CACNG2: variants seen among roughly 807,000 people sequenced by gnomAD.
CACNG2 encodes the protein calcium voltage-gated channel auxiliary subunit gamma 2, also known as voltage-dependent calcium channel gamma-2 subunit.
CACNG2 carries 3 observed loss-of-function variants against 25.9 expected under a neutral mutation model. The ratio of observed to expected loss-of-function variants is 0.12; its 90% confidence interval spans 0.05 to 0.30. CACNG2 has a LOEUF of 0.30. CACNG2 is among the 10% of genes least tolerant of loss of function. The pLI, the probability that CACNG2 is intolerant of heterozygous loss-of-function variation, is 1.00. For missense variants in CACNG2, 341 were observed against 432.5 expected, an observed-to-expected ratio of 0.79 and a Z score of 1.88; for synonymous variants, 167 against 173.3, an observed-to-expected ratio of 0.96 and a Z score of 0.29.
chr22:36,624,497 C>T (rs974148587), intron 1 of CACNG2, among the ~76,000 whole-genome samples: 10 of 152,214 alleles, frequency 6.6e-5, no homozygotes, highest in African/African-American at 1.9e-4. Flanking sequence ...GGTCTGTCTG[C>T]CTCCAAAACT....
In CACNG2 at chr22:36,579,404, CAAAAAAA is replaced by C. The variant is rs34224180; in HGVS notation, c.295+8054_295+8060del. Among the ~76,000 whole-genome samples, 231 of 47,170 alleles carry C rather than the reference CAAAAAAA, an allele frequency of 4.9e-3. 1 individual carries two copies. Among genetic ancestry groups the C allele is most frequent in the African/African-American group, 0.019 (201 of 10,448 alleles). 30.9% of individuals were successfully genotyped at this position (47,170 alleles called of 152,430 possible). On this transcript the variant is annotated intron_variant, in intron 2 of 3. Transcript: ENST00000300105. ...GGGCAACAAAAGTGAAACTCTGTCT[CAAAAAAA>C]AAAAAAAAAAAAAAAAAAAGCTGCC...
chr22:36,626,667 A>G (rs1936187970), intron 1 of CACNG2, among the ~76,000 whole-genome samples: 1 of 152,118 alleles, frequency 6.6e-6, no homozygotes, highest in South Asian at 2.1e-4. Flanking sequence ...GTCGAGTCAT[A>G]TTTTGGTTTC....
At chr22:36,626,185 G>A (rs760795342) in intron 1 of CACNG2, among the ~76,000 whole-genome samples, 2 of 152,204 alleles carry the variant, frequency 1.3e-5, no homozygotes, top group Non-Finnish European at 2.9e-5. Context: ...CTCCCAAAGT[G>A]CTGGGATTAC....
chr22:36,582,406 C>CT lies in CACNG2; in HGVS notation c.295+5058dup, dbSNP rs750246907. On this transcript the variant is annotated intron_variant, in intron 2 of 3. Coordinates refer to ENST00000300105, the MANE Select transcript of CACNG2 (RefSeq NM_006078.5). ...TGCACTTGCTGTTTGCTCTTTCTTT[C>CT]TTTCTTTTTTTTTTTTGAGACAGAG... Among the ~76,000 whole-genome samples the CT allele has an allele frequency of 2.8e-3, 271 of 96,736 alleles. 8 individuals are homozygous for CT. The highest frequency in any genetic ancestry group is 9.6e-3 in the South Asian group (24 of 2,494). The allele number at this position is 96,736 out of a possible 152,430, so 63.5% of individuals were successfully genotyped here. A position where few individuals can be genotyped will look rare whatever the true frequency, so the allele number is the denominator to read the frequency against.
intron 1 of CACNG2, among the ~76,000 whole-genome samples, chr22:36,692,911 C>T (rs1249389801): frequency 2.0e-5 from 3 of 152,254 alleles, no homozygotes; most frequent in Middle Eastern, 3.4e-3. Context: ...TTTGGAAGGC[C>T]GAGGTGGGTG....
chr22:36,667,615 A>G (rs1017113104), intron 1 of CACNG2, among the ~76,000 whole-genome samples: 9 of 152,230 alleles, frequency 5.9e-5, no homozygotes, highest in Non-Finnish European at 1.3e-4. Context: ...GATGGGAGAT[A>G]CGGAACCCAC....
At chr22:36,590,324 C>T (rs1174230542) in intron 1 of CACNG2, among the ~76,000 whole-genome samples, 7 of 152,168 alleles carry the variant, frequency 4.6e-5, no homozygotes, top group African/African-American at 1.7e-4. Flanking sequence ...CCTGGGTATC[C>T]AGCTGCCTAT....
chr22:36,605,226 C>A (rs1011728916), intron 1 of CACNG2, among the ~76,000 whole-genome samples: 1 of 152,130 alleles, frequency 6.6e-6, no homozygotes, highest in African/African-American at 2.4e-5. Flanking sequence ...AGGTGCCCAC[C>A]ACCATGCCCG....
Position 36,587,544 on chromosome 22 carries a change from A to C in CACNG2, c.216T>G (p.Asn72Lys). The change falls in exon 2 of 4, where the codon AAT becomes AAG. Residue 72 changes from asparagine (N) to lysine (K), a missense_variant. Physicochemically the swap from Asn to Lys is moderately conservative, Grantham distance 94. Transcript: ENST00000300105. ...CAATTTGCTTGCACAGACCTTTGAA[A>C]TTCCCTGCAAAACAAGGGGAGAAGG... is the stretch of plus-strand genomic sequence containing the variant. ...GLWRTCCLEG[N>K]FKGLCKQIDH... 6.2e-7 allele frequency: 1 copy of C among 1,611,608 alleles called. No individual in the cohort carries two copies. Among genetic ancestry groups the C allele is most frequent in the Non-Finnish European group, 8.5e-7 (1 of 1,177,646 alleles).
chr22:36,655,876 C>T (rs184909174), intron 1 of CACNG2, among the ~76,000 whole-genome samples: 165 of 147,820 alleles, frequency 1.1e-3, no homozygotes, highest in African/African-American at 3.8e-3. Context: ...GGTGTGATCT[C>T]GGCTCACCGC....
intron 2 of CACNG2, among the ~76,000 whole-genome samples, chr22:36,577,234 C>T (rs999994188): frequency 2.0e-5 from 3 of 152,198 alleles, no homozygotes; most frequent in Non-Finnish European, 2.9e-5. Context: ...ATCATTCCAG[C>T]GGAGCAAATT....
intron 1 of CACNG2, among the ~76,000 whole-genome samples, chr22:36,678,726 C>G (rs1365827848): frequency 1.3e-5 from 2 of 151,906 alleles, no homozygotes; most frequent in African/African-American, 4.8e-5. Flanking sequence ...TGGCCAGGAG[C>G]CACCATGGTT....
Position 36,580,025 on chromosome 22 carries a change from C to T in CACNG2, c.295+7440G>A, listed in dbSNP as rs141891795. On this transcript the variant is annotated intron_variant, in intron 2 of 3. Coordinates refer to ENST00000300105, the MANE Select transcript of CACNG2 (RefSeq NM_006078.5). ...CTGCAATGGGATGCGACAGTGAACA[C>T]GGATTGTGGCGAATGCCTGCTGAAT... Among the ~76,000 whole-genome samples the T allele has an allele frequency of 1.1e-4, 17 of 152,236 alleles. No individual in the cohort carries two copies. The East Asian group carries it at 1.3e-3, about 12-fold the overall frequency.
chr22:36,590,298 C>G (rs111706658), intron 1 of CACNG2, among the ~76,000 whole-genome samples: 3,941 of 152,294 alleles, frequency 0.026, 128 homozygotes, highest in Admixed American at 0.085. Flanking sequence ...GCCCAGACCT[C>G]TCCTTGAGGC....
intron 1 of CACNG2, among the ~76,000 whole-genome samples, chr22:36,597,501 G>T (rs1405096691): frequency 6.6e-6 from 1 of 152,212 alleles, no homozygotes; most frequent in African/African-American, 2.4e-5. Context: ...CACCGAGGGG[G>T]TAAGGGGATT....
chr22:36,615,465 C>T (rs773688750), intron 1 of CACNG2, among the ~76,000 whole-genome samples: 11 of 152,192 alleles, frequency 7.2e-5, no homozygotes, highest in Non-Finnish European at 1.3e-4. Context: ...CCCCTCTGGG[C>T]CTCTTGCACC....
intron 1 of CACNG2, among the ~76,000 whole-genome samples, chr22:36,627,279 C>CGTGT (rs58015913): frequency 0.062 from 8,105 of 131,072 alleles, 278 homozygotes; most frequent in Middle Eastern, 0.08. Flanking sequence ...AGAGTGGGGA[C>CGTGT]GTGTGTGTGT....
intron 1 of CACNG2, among the ~76,000 whole-genome samples, chr22:36,598,952 T>G (rs1433200869): frequency 2.0e-5 from 3 of 152,246 alleles, no homozygotes; most frequent in South Asian, 2.1e-4. Flanking sequence ...CACTCCAGCC[T>G]GGGTGACAGA....
intron 1 of CACNG2, among the ~76,000 whole-genome samples, chr22:36,604,046 G>T (rs1603501406): frequency 6.6e-6 from 1 of 152,224 alleles, no homozygotes; most frequent in East Asian, 1.9e-4. Flanking sequence ...CAACATTCTA[G>T]ATGCCAATAA....
Sources: gnomAD v4.1 joint callset for allele counts (sites outside exome capture counted in the v4.1 genomes callset) on GRCh38, gnomAD v4.1.1 for gene constraint, MANE v1.5 for transcripts, NCBI Gene and HGNC (gene_info 2026-07-23, HGNC 2026-07-21) for gene names.